MARCHF1: variants seen among roughly 807,000 people sequenced by gnomAD.
The protein encoded by MARCHF1 is E3 ubiquitin-protein ligase MARCHF1.
In MARCHF1, 40 loss-of-function variants were observed where a neutral mutation model predicts 54.2. The observed-to-expected ratio is 0.74, with a 90% CI of 0.57 to 0.96. The LOEUF (loss-of-function observed/expected upper bound fraction) is 0.96. MARCHF1 is among the 40% of genes least tolerant of loss of function. The probability of loss-of-function intolerance (pLI) is 0.00; values close to 1 mark genes in which losing one functional copy is unlikely to be tolerated. For missense variants in MARCHF1, 586 were observed against 656.5 expected, an observed-to-expected ratio of 0.89 and a Z score of 1.17; for synonymous variants, 236 against 236.3, an observed-to-expected ratio of 1.00 and a Z score of 0.01.
chr4:164,105,745 AG>A (rs1207000025), intron 2 of MARCHF1, among the ~76,000 whole-genome samples: 2 of 89,598 alleles, frequency 2.2e-5, no homozygotes, highest in East Asian at 2.2e-4. Context: ...CAATGGCAAC[AG>A]AAGCCAAAAT....
chr4:164,368,732 T>C (rs1730949076), intron 1 of MARCHF1, among the ~76,000 whole-genome samples: 1 of 152,184 alleles, frequency 6.6e-6, no homozygotes, highest in East Asian at 1.9e-4. Flanking sequence ...AAAATTATAT[T>C]TGTAACACTT....
At chr4:164,143,615 C>G (rs977938297) in intron 1 of MARCHF1, among the ~76,000 whole-genome samples, 1 of 152,056 alleles carries the variant, frequency 6.6e-6, no homozygotes, top group African/African-American at 2.4e-5. Flanking sequence ...TACAGACAAG[C>G]AAATGCTGAG....
chr4:164,212,319 G>A (rs576310621), intron 1 of MARCHF1, among the ~76,000 whole-genome samples: 1 of 152,182 alleles, frequency 6.6e-6, no homozygotes, highest in African/African-American at 2.4e-5. Flanking sequence ...AGAGAAAAAT[G>A]AGGCACATCA....
chr4:164,291,993 A>G (rs1404439092), intron 1 of MARCHF1, among the ~76,000 whole-genome samples: 2 of 152,014 alleles, frequency 1.3e-5, no homozygotes, highest in African/African-American at 4.8e-5. Flanking sequence ...TGCTAAAGTC[A>G]CAATTAATTA....
chr4:163,891,463 C>T (rs1444159744), intron 3 of MARCHF1, among the ~76,000 whole-genome samples: 5 of 151,956 alleles, frequency 3.3e-5, no homozygotes, highest in Non-Finnish European at 7.4e-5. Flanking sequence ...TATAAAGCTA[C>T]ACCATTTTTT....
intron 3 of MARCHF1, among the ~76,000 whole-genome samples, chr4:163,969,690 T>C (rs1468079575): frequency 6.6e-6 from 1 of 152,230 alleles, no homozygotes; most frequent in Non-Finnish European, 1.5e-5. Flanking sequence ...ACACGCAACA[T>C]GCTTCTATGA....
chr4:163,858,149 G>T (rs1749820835), intron 3 of MARCHF1, among the ~76,000 whole-genome samples: 1 of 151,872 alleles, frequency 6.6e-6, no homozygotes. Flanking sequence ...AAATGGCACT[G>T]TACTCTAAGG....
At chr4:163,771,124 A>G (rs1224036045) in intron 4 of MARCHF1, among the ~76,000 whole-genome samples, 2 of 152,214 alleles carry the variant, frequency 1.3e-5, no homozygotes, top group Non-Finnish European at 1.5e-5. Flanking sequence ...TCCTTTCCCA[A>G]TTAAAGCCTA....
In MARCHF1 at chr4:163,814,528, G is replaced by A. The variant is rs375770037; in HGVS notation, c.111+39493C>T. On this transcript the variant is annotated intron_variant, in intron 4 of 9. Coordinates refer to ENST00000514618, the MANE Select transcript of MARCHF1 (RefSeq NM_001394959.1). The stretch of plus-strand genomic sequence containing the variant: ...GAACCCAGGAGGCAGAGGTTGCACT[G>A]AGCCGAGATCAAGCCATTGCACTCT... Among the ~76,000 whole-genome samples the A allele has an allele frequency of 1.4e-4, 21 of 152,294 alleles. 1 individual carries two copies. Among genetic ancestry groups the A allele is most frequent in the African/African-American group, 4.8e-4 (20 of 41,566 alleles).
chr4:163,762,485 C>A (rs1259633618), intron 4 of MARCHF1, among the ~76,000 whole-genome samples: 1 of 151,970 alleles, frequency 6.6e-6, no homozygotes, highest in African/African-American at 2.4e-5. Context: ...CTATTTTTTC[C>A]TTCAAAATGT....
intron 1 of MARCHF1, among the ~76,000 whole-genome samples, chr4:164,227,859 G>A (rs1276984156): frequency 6.6e-6 from 1 of 152,012 alleles, no homozygotes; most frequent in Non-Finnish European, 1.5e-5. Context: ...CATACATGGG[G>A]GAAGCACTGT....
chr4:164,325,651 C>T (rs544252047), intron 1 of MARCHF1, among the ~76,000 whole-genome samples: 1 of 151,972 alleles, frequency 6.6e-6, no homozygotes, highest in African/African-American at 2.4e-5. Flanking sequence ...ATCGCTTGAA[C>T]CCAGGAGGTG....
At chr4:164,311,334 A>G (rs750454610) in intron 1 of MARCHF1, among the ~76,000 whole-genome samples, 17 of 152,174 alleles carry the variant, frequency 1.1e-4, no homozygotes, top group Non-Finnish European at 1.5e-4. Context: ...CATCTTCTTT[A>G]GTTTTATGAG....
At chr4:163,943,963 CT>C (rs574358464) in intron 3 of MARCHF1, among the ~76,000 whole-genome samples, 5 of 151,028 alleles carry the variant, frequency 3.3e-5, no homozygotes, top group East Asian at 2.0e-4. Context: ...CAGAAAAATG[CT>C]TTTTTTTGTT....
intron 4 of MARCHF1, among the ~76,000 whole-genome samples, chr4:163,779,959 G>A (rs146358073): frequency 6.6e-6 from 1 of 152,318 alleles, no homozygotes; most frequent in African/African-American, 2.4e-5. Flanking sequence ...GCAGCTGAGG[G>A]TGAGCTAGTT....
intron 1 of MARCHF1, chr4:164,190,179 G>A: frequency 6.4e-7 from 1 of 1,568,688 alleles, no homozygotes; most frequent in Non-Finnish European, 8.6e-7. Flanking sequence ...AGAAAAGATT[G>A]AATGGCTGGA....
At chr4:163,817,468 A>G (rs1748572307) in intron 4 of MARCHF1, among the ~76,000 whole-genome samples, 1 of 149,944 alleles carries the variant, frequency 6.7e-6, no homozygotes. Context: ...AGAGCAACAC[A>G]CACACACACA....
intron 4 of MARCHF1, among the ~76,000 whole-genome samples, chr4:163,762,748 C>T (rs1361783078): frequency 1.3e-5 from 2 of 152,002 alleles, no homozygotes; most frequent in East Asian, 3.9e-4. Context: ...TCTTGGTACA[C>T]TGTTTGACTG....
intron 2 of MARCHF1, among the ~76,000 whole-genome samples, chr4:164,018,397 GATT>G (rs1753591248): frequency 6.6e-6 from 1 of 151,840 alleles, no homozygotes; most frequent in African/African-American, 2.4e-5. Context: ...ACATATATAT[GATT>G]ATATCTATAT....
Sources: gnomAD v4.1 joint callset for allele counts (sites outside exome capture counted in the v4.1 genomes callset) on GRCh38, gnomAD v4.1.1 for gene constraint, MANE v1.5 for transcripts, NCBI Gene and HGNC (gene_info 2026-07-23, HGNC 2026-07-21) for gene names.